PTPRJ: variants seen among roughly 807,000 people sequenced by gnomAD.
PTPRJ encodes the protein receptor-type tyrosine-protein phosphatase eta.
PTPRJ carries 129 observed loss-of-function variants against 141.3 expected under a neutral mutation model. The ratio of observed to expected loss-of-function variants is 0.91; its 90% confidence interval spans 0.79 to 1.06. The LOEUF (loss-of-function observed/expected upper bound fraction) is 1.06, where lower values mean the gene tolerates loss of function less well. Ranked by LOEUF, PTPRJ falls within the 50% of genes least tolerant of loss-of-function variation. The pLI is 0.00. For missense variants in PTPRJ, 1,601 were observed against 1,679.7 expected (o/e 0.95, Z 0.82); for synonymous variants, 610 against 640.5 (o/e 0.95, Z 0.72).
chr11:48,131,491 TTAA>T (rs1188843828), intron 8 of PTPRJ: 1 of 775,158 alleles, frequency 1.3e-6, no homozygotes, highest in Non-Finnish European at 2.4e-6. Context: ...TTCTTTCCTC[TTAA>T]TAAAATATTT....
intron 1 of PTPRJ, among the ~76,000 whole-genome samples, chr11:48,003,990 G>T (rs757171837): frequency 2.0e-5 from 3 of 152,092 alleles, no homozygotes; most frequent in Non-Finnish European, 2.9e-5. Context: ...ACTGAAATCT[G>T]CACTGGTCTG....
intron 7 of PTPRJ, among the ~76,000 whole-genome samples, chr11:48,128,884 T>A (rs1303257813): frequency 6.6e-6 from 1 of 152,226 alleles, no homozygotes; most frequent in Non-Finnish European, 1.5e-5. Context: ...TTCTTATAGA[T>A]GTATTTTGGA....
At chr11:48,071,786 T>G (rs867460485) in intron 1 of PTPRJ, among the ~76,000 whole-genome samples, 1 of 151,102 alleles carries the variant, frequency 6.6e-6, no homozygotes, top group Admixed American at 6.6e-5. Flanking sequence ...GTATTTTCAG[T>G]AGAGACGGGG....
At chr11:48,100,510 CTA>C (rs1856124567) in intron 1 of PTPRJ, among the ~76,000 whole-genome samples, 1 of 152,182 alleles carries the variant, frequency 6.6e-6, no homozygotes, top group Admixed American at 6.5e-5. Context: ...TTTAAAAAGA[CTA>C]TTTTTAGAGC....
At chr11:48,126,589 C>T (rs1480777684) in intron 6 of PTPRJ, among the ~76,000 whole-genome samples, 2 of 151,956 alleles carry the variant, frequency 1.3e-5, no homozygotes, top group East Asian at 1.9e-4. Context: ...TGGGTCTTCA[C>T]GTGGTTGAAG....
At chr11:48,024,979 T>C (rs1415296981) in intron 1 of PTPRJ, among the ~76,000 whole-genome samples, 2 of 152,260 alleles carry the variant, frequency 1.3e-5, no homozygotes, top group African/African-American at 2.4e-5. Context: ...CTAGGCTTGC[T>C]GCCTAATCCC....
intron 1 of PTPRJ, among the ~76,000 whole-genome samples, chr11:48,060,155 G>C (rs1442273261): frequency 6.6e-6 from 1 of 152,048 alleles, no homozygotes; most frequent in Non-Finnish European, 1.5e-5. Context: ...TTCCCCTCTA[G>C]GTCTATAAAG....
At chr11:48,036,494 G>C (rs1848783909) in intron 1 of PTPRJ, among the ~76,000 whole-genome samples, 1 of 152,254 alleles carries the variant, frequency 6.6e-6, no homozygotes, top group African/African-American at 2.4e-5. Flanking sequence ...AATGTTACGT[G>C]GGTTGTAAAT....
chr11:48,160,122 T>A, intron 22 of PTPRJ, 73 bp downstream of exon 22: 2 of 1,559,710 alleles, frequency 1.3e-6, no homozygotes, highest in Non-Finnish European at 1.8e-6. Context: ...ATGTTTTAGG[T>A]TGATATTAAC....
chr11:48,061,356 G>A (rs1178201515), intron 1 of PTPRJ, among the ~76,000 whole-genome samples: 1 of 152,294 alleles, frequency 6.6e-6, no homozygotes, highest in East Asian at 1.9e-4. Flanking sequence ...GTTGGCAAAT[G>A]ATTGCAGGCT....
rs1463592900 is a variant in PTPRJ at position 48,168,962 on chromosome 11, T to G, written c.*1600T>G. 6.6e-6 allele frequency: 1 copy of G among 152,272 alleles called. No homozygotes were observed. Among genetic ancestry groups the G allele is most frequent in the East Asian group, 1.9e-4 (1 of 5,142 alleles). 9.4% of individuals were successfully genotyped at this position (152,272 alleles called of 1,614,324 possible). On this transcript the variant is annotated 3_prime_UTR_variant, in exon 25 of 25. Transcript: ENST00000418331. The stretch of plus-strand genomic sequence containing the variant: ...CAAGTCCCTGGAGTCCTGTGGCTGT[T>G]GCCACAGTAATGTGTCCTGCTGTAA...
chr11:48,166,874 T>G (rs920122376), intron 24 of PTPRJ, among the ~76,000 whole-genome samples: 1 of 152,200 alleles, frequency 6.6e-6, no homozygotes, highest in Non-Finnish European at 1.5e-5. Flanking sequence ...GTTGGACATT[T>G]GATTGTTCGA....
chr11:48,007,124 T>C (rs1424242834), intron 1 of PTPRJ, among the ~76,000 whole-genome samples: 1 of 151,968 alleles, frequency 6.6e-6, no homozygotes, highest in Non-Finnish European at 1.5e-5. Flanking sequence ...ATTTTGAGAC[T>C]GAGTCTCGCT....
intron 1 of PTPRJ, among the ~76,000 whole-genome samples, chr11:48,071,098 G>C (rs1855234486): frequency 6.6e-6 from 1 of 152,022 alleles, no homozygotes; most frequent in Non-Finnish European, 1.5e-5. Context: ...CATAATTATT[G>C]GTTCACTAGA....
At chr11:48,025,193 G>A (rs1002921097) in intron 1 of PTPRJ, among the ~76,000 whole-genome samples, 1 of 152,164 alleles carries the variant, frequency 6.6e-6, no homozygotes, top group African/African-American at 2.4e-5. Flanking sequence ...GGCCTTTCGG[G>A]CAGCCTGGTG....
rs1217796075 is a variant in PTPRJ at position 48,098,676 on chromosome 11, A to G, written c.97-11382A>G. Among the ~76,000 whole-genome samples the G allele has an allele frequency of 3.3e-5, 2 of 60,854 alleles. 1 individual carries two copies. Among genetic ancestry groups the G allele is most frequent in the Non-Finnish European group, 9.0e-5 (2 of 22,242 alleles). 39.9% of individuals were successfully genotyped at this position (60,854 alleles called of 152,430 possible). A position where few individuals can be genotyped will look rare whatever the true frequency, so the allele number is the denominator to read the frequency against. On this transcript the variant is annotated intron_variant, in intron 1 of 24. Coordinates refer to ENST00000418331, the MANE Select transcript of PTPRJ (RefSeq NM_002843.4). ...GCTGGGACTACAGGCACGCGCCACC[A>G]TGCCCGGCTAATTTTTGTATTTTTA...
chr11:48,164,754 C>T (rs1300630658), intron 24 of PTPRJ, among the ~76,000 whole-genome samples: 5 of 151,660 alleles, frequency 3.3e-5, no homozygotes, highest in South Asian at 2.1e-4. Flanking sequence ...TTAGTAGAGA[C>T]GGTGTTTCTC....
intron 1 of PTPRJ, among the ~76,000 whole-genome samples, chr11:47,998,142 G>A (rs1277647571): frequency 6.7e-6 from 1 of 150,076 alleles, no homozygotes; most frequent in East Asian, 1.9e-4. Context: ...TTTTTAACCC[G>A]AATTTCATGA....
At chr11:48,005,478 C>T (rs1035623259) in intron 1 of PTPRJ, among the ~76,000 whole-genome samples, 2 of 152,300 alleles carry the variant, frequency 1.3e-5, no homozygotes, top group South Asian at 2.1e-4. Context: ...GGCTATTTCG[C>T]CTAGCATAGT....
Sources: gnomAD v4.1 joint callset for allele counts (sites outside exome capture counted in the v4.1 genomes callset) on GRCh38, gnomAD v4.1.1 for gene constraint, MANE v1.5 for transcripts, NCBI Gene and HGNC (gene_info 2026-07-23, HGNC 2026-07-21) for gene names.